CDH13: variants seen among roughly 807,000 people sequenced by gnomAD.
CDH13 encodes the protein cadherin-13.
In CDH13, 24 loss-of-function variants were observed where a neutral mutation model predicts 63.8. The observed-to-expected ratio is 0.38, with a 90% CI of 0.27 to 0.53. CDH13 has a LOEUF of 0.53. Ranked by LOEUF, CDH13 falls within the 20% of genes least tolerant of loss-of-function variation. The pLI is 0.85. For missense variants in CDH13, 1,049 were observed against 903.1 expected (o/e 1.16, Z -2.07); for synonymous variants, 503 against 355.3 (o/e 1.42, Z -4.67).
chr16:83,761,903 C>T (rs1315471283), intron 11 of CDH13, among the ~76,000 whole-genome samples: 12 of 151,966 alleles, frequency 7.9e-5, no homozygotes, highest in Admixed American at 7.9e-4. Flanking sequence ...CCCTTCTCTA[C>T]TAAAAATACA....
intron 7 of CDH13, among the ~76,000 whole-genome samples, chr16:83,572,459 ACT>A (rs551727229): frequency 3.0e-4 from 45 of 151,228 alleles, no homozygotes; most frequent in African/African-American, 1.1e-3. Context: ...ACTTTCTAAA[ACT>A]CTCTTTCATT....
intron 7 of CDH13, among the ~76,000 whole-genome samples, chr16:83,552,038 T>C (rs889807453): frequency 1.3e-5 from 2 of 152,202 alleles, no homozygotes; most frequent in Non-Finnish European, 2.9e-5. Context: ...AATGGATTCA[T>C]AAACTGATTC....
At chr16:83,675,141 C>G (rs1341797837) in intron 9 of CDH13, among the ~76,000 whole-genome samples, 1 of 152,130 alleles carries the variant, frequency 6.6e-6, no homozygotes, top group Non-Finnish European at 1.5e-5. Context: ...TCCTCCTGTC[C>G]CTGACACAGA....
At chr16:82,934,718 G>C (rs1441698238) in intron 2 of CDH13, among the ~76,000 whole-genome samples, 3 of 152,120 alleles carry the variant, frequency 2.0e-5, no homozygotes, top group Admixed American at 2.0e-4. Flanking sequence ...AAGTTCCACA[G>C]ATCTCTAGGG....
intron 1 of CDH13, among the ~76,000 whole-genome samples, chr16:82,687,332 G>A (rs1191773132): frequency 3.3e-5 from 5 of 152,182 alleles, no homozygotes; most frequent in African/African-American, 9.7e-5. Context: ...AGATGTAAGT[G>A]ATATCAGCTG....
chr16:83,228,452 C>T (rs572947046), intron 5 of CDH13, among the ~76,000 whole-genome samples: 1 of 152,302 alleles, frequency 6.6e-6, no homozygotes, highest in East Asian at 1.9e-4. Flanking sequence ...AAGGAAGGGA[C>T]ACTATCACTG....
intron 7 of CDH13, among the ~76,000 whole-genome samples, chr16:83,486,880 C>A (rs1206733540): frequency 6.6e-6 from 1 of 152,158 alleles, no homozygotes; most frequent in South Asian, 2.1e-4. Flanking sequence ...TGTTTGTATT[C>A]ACTCAACCTG....
chr16:83,407,796 C>A (rs778750226), intron 6 of CDH13, among the ~76,000 whole-genome samples: 4 of 152,114 alleles, frequency 2.6e-5, no homozygotes, highest in African/African-American at 7.2e-5. Flanking sequence ...TCCAGCATTG[C>A]GCATTAGAAG....
chr16:83,313,643 T>TAAAAAAAAA (rs59109363), intron 5 of CDH13, among the ~76,000 whole-genome samples: 1 of 89,928 alleles, frequency 1.1e-5, no homozygotes. Flanking sequence ...CTTACCATTG[T>TAAAAAAAAA]AAAAAAAAAA....
At chr16:83,122,085 G>T (rs2035609875) in intron 3 of CDH13, among the ~76,000 whole-genome samples, 1 of 152,070 alleles carries the variant, frequency 6.6e-6, no homozygotes. Flanking sequence ...TGAGATGCTT[G>T]CTTCTGATGA....
At chr16:83,040,319 G>A (rs1466832080) in intron 3 of CDH13, among the ~76,000 whole-genome samples, 1 of 152,110 alleles carries the variant, frequency 6.6e-6, no homozygotes, top group Non-Finnish European at 1.5e-5. Flanking sequence ...TAGGAGAATT[G>A]ACTCACATCA....
chr16:83,038,074 G>A (rs1055690435), intron 3 of CDH13, among the ~76,000 whole-genome samples: 3 of 152,162 alleles, frequency 2.0e-5, no homozygotes, highest in Non-Finnish European at 1.5e-5. Context: ...CAGAGAGGTA[G>A]GTGGGACCGC....
chr16:82,746,612 C>A (rs962734079), intron 1 of CDH13, among the ~76,000 whole-genome samples: 4 of 151,810 alleles, frequency 2.6e-5, no homozygotes, highest in Non-Finnish European at 5.9e-5. Flanking sequence ...ATTTAAAAAA[C>A]CAAGAGGCAT....
intron 3 of CDH13, among the ~76,000 whole-genome samples, chr16:83,071,421 G>A (rs1301223034): frequency 1.3e-5 from 2 of 152,142 alleles, no homozygotes; most frequent in African/African-American, 4.8e-5. Context: ...GTAAACCTGT[G>A]CTCCTGACTA....
chr16:83,319,831 T>C (rs549332561), intron 5 of CDH13, among the ~76,000 whole-genome samples: 1 of 152,288 alleles, frequency 6.6e-6, no homozygotes, highest in East Asian at 1.9e-4. Context: ...CATAGCTAAA[T>C]TTCAGGGGAT....
At chr16:83,712,057 C>T (rs1214289936) in intron 10 of CDH13, among the ~76,000 whole-genome samples, 1 of 152,168 alleles carries the variant, frequency 6.6e-6, no homozygotes, top group African/African-American at 2.4e-5. Flanking sequence ...TCTGTCTGTG[C>T]CCTAATCTCT....
chr16:83,389,820 G>C (rs941960571), intron 6 of CDH13, among the ~76,000 whole-genome samples: 3 of 152,226 alleles, frequency 2.0e-5, no homozygotes, highest in Admixed American at 2.0e-4. Flanking sequence ...AGGTGTCCTA[G>C]ATCATTCAGC....
At chr16:82,876,436 C>T (rs995248194) in intron 2 of CDH13, among the ~76,000 whole-genome samples, 1 of 152,250 alleles carries the variant, frequency 6.6e-6, no homozygotes, top group Admixed American at 6.5e-5. Flanking sequence ...GTCTTATTTT[C>T]AAGTTTTGAA....
intron 1 of CDH13, among the ~76,000 whole-genome samples, chr16:82,689,246 A>G (rs959480548): frequency 6.6e-6 from 1 of 151,860 alleles, no homozygotes; most frequent in Non-Finnish European, 1.5e-5. Context: ...AAAATATCTG[A>G]ATTAGAAATG....
Sources: gnomAD v4.1 joint callset for allele counts (sites outside exome capture counted in the v4.1 genomes callset) on GRCh38, gnomAD v4.1.1 for gene constraint, MANE v1.5 for transcripts, NCBI Gene and HGNC (gene_info 2026-07-23, HGNC 2026-07-21) for gene names.